The following LIMS2 variants were observed in gnomAD, a reference collection of about 807,000 sequenced individuals.
LIMS2 encodes LIM and senescent cell antigen-like-containing domain protein 2.
LIMS2 carries 30 observed loss-of-function variants against 45.3 expected under a neutral mutation model. The ratio of observed to expected loss-of-function variants is 0.66; its 90% confidence interval spans 0.50 to 0.90. LIMS2 has a LOEUF of 0.90. LIMS2 is among the 40% of genes least tolerant of loss of function. The pLI is 0.00. For missense variants in LIMS2, 485 were observed against 468.7 expected (o/e 1.03, Z -0.32); for synonymous variants, 173 against 188.0 (o/e 0.92, Z 0.65).
rs1685252944 is a variant in LIMS2 at position 127,671,113 on chromosome 2, G to C, written c.11+3901C>G. Among the ~76,000 whole-genome samples, 1 of 152,276 alleles carries C rather than the reference G, an allele frequency of 6.6e-6. No individual in the cohort carries two copies. Among genetic ancestry groups the C allele is most frequent in the South Asian group, 2.1e-4 (1 of 4,826 alleles). On this transcript the variant is annotated intron_variant, in intron 1 of 9. Coordinates refer to ENST00000355119, the MANE Select transcript of LIMS2 (RefSeq NM_001161403.3). This position sits in a 1 kb window ranked among gnomAD's most constrained non-coding sequence, Gnocchi z 4.1. ...CCTCCCTTGGCCCCTTTCCCACCTG[G>C]AAGTGAAGACCTAAGGGATGGTTAA... is the stretch of plus-strand genomic sequence containing the variant.
Position 127,642,325 on chromosome 2 carries a change from A to T in LIMS2, c.510-126T>A. The T allele has an allele frequency of 4.3e-6, 5 of 1,155,314 alleles. No homozygotes were observed. The highest frequency in any genetic ancestry group is 5.9e-6 in the Non-Finnish European group (5 of 853,224). 71.6% of individuals were successfully genotyped at this position (1,155,314 alleles called of 1,614,324 possible). A position where few individuals can be genotyped will look rare whatever the true frequency, so the allele number is the denominator to read the frequency against. On this transcript the variant is annotated intron_variant, in intron 5 of 9. Coordinates refer to ENST00000355119, the MANE Select transcript of LIMS2 (RefSeq NM_001161403.3). This position sits in a 1 kb window ranked among gnomAD's most constrained non-coding sequence, Gnocchi z 5.3. The stretch of plus-strand genomic sequence containing the variant: ...TCTGTCCCTGCAGAGCCGAGGCGGC[A>T]GCGCCTTCTGATCTCTGGGCACTTT...
At chr2:127,649,165 T>TAGGAAGGAAGGAAGGAAGGAAAGAAGGA (rs1683405251) in intron 4 of LIMS2, among the ~76,000 whole-genome samples, 17 of 134,340 alleles carry the variant, frequency 1.3e-4, no homozygotes, top group South Asian at 5.0e-4. Flanking sequence ...GAGAGGAAGG[T>TAGGAAGGAAGGAAGGAAGGAAAGAAGGA]AGGAAGGAAG....
At chr2:127,641,082 C>T in intron 6 of LIMS2, 94 bp from the exon 7 acceptor site, 3 of 937,058 alleles carry the variant, frequency 3.2e-6, no homozygotes, top group Non-Finnish European at 5.1e-6. Flanking sequence ...ACCCCAGGAG[C>T]CAGTGACTCC....
upstream of LIMS2, among the ~76,000 whole-genome samples, chr2:127,680,217 T>C (rs1450350967): frequency 6.6e-6 from 1 of 152,152 alleles, no homozygotes; most frequent in Non-Finnish European, 1.5e-5. Flanking sequence ...AAAGGAAGAA[T>C]AGTGAGCAGG....
At chr2:127,676,407 CTT>C (rs10677718), upstream of LIMS2, among the ~76,000 whole-genome samples, 10 of 115,854 alleles carry the variant, frequency 8.6e-5, no homozygotes, top group Admixed American at 9.3e-5. Flanking sequence ...GCAGTTGTTA[CTT>C]TTTTTTTTTT....
intron 1 of LIMS2, chr2:127,674,712 G>A: frequency 1.0e-6 from 1 of 985,442 alleles, no homozygotes; most frequent in African/African-American, 1.7e-5. Context: ...TCTGACCTTG[G>A]ACAAGACCCC....
intron 1 of LIMS2, among the ~76,000 whole-genome samples, chr2:127,670,024 G>C (rs1274302490): frequency 6.6e-6 from 1 of 152,108 alleles, no homozygotes; most frequent in African/African-American, 2.4e-5. Context: ...ATACATTCCT[G>C]GTGTAAAATT....
In LIMS2 at chr2:127,643,520, G is replaced by A. The variant is rs762331996; in HGVS notation, c.360-448C>T. The A allele has an allele frequency of 3.1e-5, 14 of 456,738 alleles. 1 individual carries two copies. The highest frequency in any genetic ancestry group is 2.0e-4 in the South Asian group (13 of 64,572). 28.3% of individuals were successfully genotyped at this position (456,738 alleles called of 1,614,324 possible). A position where few individuals can be genotyped will look rare whatever the true frequency, so the allele number is the denominator to read the frequency against. On this transcript the variant is annotated intron_variant, in intron 4 of 9. Transcript: ENST00000355119. ...CCCCTTCCTTCGGGGTTTGCCAGAT[G>A]AAGAAGGGCCCAAACACGTACAGGC...
chr2:127,652,105 G>A (rs1013484154), intron 4 of LIMS2: 5 of 306,850 alleles, frequency 1.6e-5, no homozygotes, highest in East Asian at 6.8e-5. Flanking sequence ...ATCGCTCATC[G>A]GCGAGGCTCA....
Position 127,650,251 on chromosome 2 carries a change from A to G in LIMS2, c.359+4173T>C, listed in dbSNP as rs561957421. On this transcript the variant is annotated intron_variant, in intron 4 of 9. Coordinates refer to ENST00000355119, the MANE Select transcript of LIMS2 (RefSeq NM_001161403.3). ...GGGAGGGTCCAGGCACTCAGGATGA[A>G]CAGAACTCACCTGCCAAGGCTTGGG... Among the ~76,000 whole-genome samples, 3 of 152,242 alleles carry G rather than the reference A, an allele frequency of 2.0e-5. 1 individual carries two copies. Among genetic ancestry groups the G allele is most frequent in the African/African-American group, 7.2e-5 (3 of 41,550 alleles).
intron 1 of LIMS2, among the ~76,000 whole-genome samples, chr2:127,662,654 G>A (rs1684748388): frequency 9.0e-6 from 1 of 111,110 alleles, no homozygotes; most frequent in African/African-American, 3.3e-5. Context: ...GGGGTGGGGG[G>A]TGGGGGGAGG....
At chr2:127,679,144 G>A (rs534672419), upstream of LIMS2, among the ~76,000 whole-genome samples, 5 of 152,262 alleles carry the variant, frequency 3.3e-5, no homozygotes, top group South Asian at 2.1e-4. The surrounding 1 kb of genome is among the most constrained non-coding windows in gnomAD (Gnocchi z 5.3). Context: ...GTCAAGAGCC[G>A]GTCCCTTGGA....
In LIMS2 at chr2:127,651,292, G is replaced by A. The variant is rs138050673; in HGVS notation, c.359+3132C>T. ...ACGGTGGTCTGCCTGCAGCTGTACCGGGAGAAGGCCTCCCACCATGCCCTG... is the reference window on the plus strand; with the variant it reads ...ACGGTGGTCTGCCTGCAGCTGTACCAGGAGAAGGCCTCCCACCATGCCCTG... On this transcript the variant is annotated intron_variant, in intron 4 of 9. Coordinates refer to ENST00000355119, the MANE Select transcript of LIMS2 (RefSeq NM_001161403.3). The A allele has an allele frequency of 1.1e-4, 182 of 1,608,048 alleles. No homozygotes were observed. The highest frequency in any genetic ancestry group is 9.2e-4 in the African/African-American group (69 of 75,032).
At chr2:127,639,732 G>A (rs985524021) in intron 9 of LIMS2, among the ~76,000 whole-genome samples, 1 of 152,126 alleles carries the variant, frequency 6.6e-6, no homozygotes, top group African/African-American at 2.4e-5. Flanking sequence ...CACACCCCTC[G>A]AGGCTTCCTG....
chr2:127,639,464 G>A (rs780420269), intron 9 of LIMS2, 36 bp from the exon 10 acceptor site: 14 of 1,609,658 alleles, frequency 8.7e-6, no homozygotes, highest in East Asian at 2.2e-5. Context: ...AGAGCCCCAC[G>A]CCCACCCCTT....
Position 127,647,976 on chromosome 2 carries a change from G to A in LIMS2, c.360-4904C>T. 1.0e-6 allele frequency: 1 copy of A among 972,092 alleles called. No individual in the cohort carries two copies. The highest frequency in any genetic ancestry group is 4.7e-5 in the South Asian group (1 of 21,070). The allele number at this position is 972,092 out of a possible 1,614,324, so 60.2% of individuals were successfully genotyped here. On this transcript the variant is annotated intron_variant, in intron 4 of 9. Transcript: ENST00000355119. The surrounding 1 kb of genome is among the most constrained non-coding windows in gnomAD (Gnocchi z 4.3). ...CCTCTCCTCCACAGCCCCCTTCACA[G>A]CCCTCAGCCCTTCCCCAGGGCTTCA...
Position 127,642,575 on chromosome 2 carries a change from T to C in LIMS2, c.509+348A>G, listed in dbSNP as rs1682542239. The C allele has an allele frequency of 2.1e-5, 8 of 377,118 alleles. No homozygotes were observed. The South Asian group carries it at 3.6e-4, about 17-fold the overall frequency. The allele number at this position is 377,118 out of a possible 1,614,324, so 23.4% of individuals were successfully genotyped here. A position where few individuals can be genotyped will look rare whatever the true frequency, so the allele number is the denominator to read the frequency against. On this transcript the variant is annotated intron_variant, in intron 5 of 9. Coordinates refer to ENST00000355119, the MANE Select transcript of LIMS2 (RefSeq NM_001161403.3). This position sits in a 1 kb window ranked among gnomAD's most constrained non-coding sequence, Gnocchi z 5.3. Reference sequence around the variant, plus strand: ...AGGGGCTGCCTATGCAACTCCTCTCTCCAACACCAGCACCAAGCCCACTCC... The same window carrying C: ...AGGGGCTGCCTATGCAACTCCTCTCCCCAACACCAGCACCAAGCCCACTCC...
chr2:127,668,697 A>ACC (rs1558901443), intron 1 of LIMS2, among the ~76,000 whole-genome samples: 8 of 85,824 alleles, frequency 9.3e-5, no homozygotes, highest in Non-Finnish European at 1.3e-4. Context: ...AAAAAAAAAA[A>ACC]AAAAAAAAAA....
intron 1 of LIMS2, among the ~76,000 whole-genome samples, chr2:127,668,613 G>T (rs1331101418): frequency 1.6e-5 from 2 of 126,896 alleles, no homozygotes; most frequent in African/African-American, 2.9e-5. Context: ...AGGTTGCAGT[G>T]AGCTGAGATC....
Sources: allele counts gnomAD v4.1 joint callset (sites outside exome capture counted in the v4.1 genomes callset), GRCh38; gene constraint gnomAD v4.1.1; non-coding constraint Gnocchi (gnomAD v3.1); transcripts MANE v1.5; gene names NCBI Gene and HGNC (gene_info 2026-07-23, HGNC 2026-07-21).